The following SAMD4B variants were observed in gnomAD, a reference collection of about 807,000 sequenced individuals.
The protein encoded by SAMD4B is protein Smaug homolog 2.
In SAMD4B, 5 loss-of-function variants were observed where a neutral mutation model predicts 74.5. The ratio of observed to expected loss-of-function variants is 0.07; its 90% CI spans 0.04 to 0.14. SAMD4B has a LOEUF of 0.14. SAMD4B is among the 10% of genes least tolerant of loss of function. The probability of loss-of-function intolerance (pLI) is 1.00; values close to 1 mark genes in which losing one functional copy is unlikely to be tolerated. For missense variants in SAMD4B, 608 were observed against 921.8 expected, an observed-to-expected ratio of 0.66 and a Z score of 4.41; for synonymous variants, 373 against 374.9, an observed-to-expected ratio of 1.00 and a Z score of 0.06.
Position 39,370,019 on chromosome 19 carries a change from G to C in SAMD4B, c.561G>C (p.Gly187=). Reference sequence around the variant, plus strand: ...CAGAGCTAGGCCCTGGGGAGGCAGGGCCAGGCTGGCAGGACAAGCCACCCC... The same window carrying C: ...CAGAGCTAGGCCCTGGGGAGGCAGGCCCAGGCTGGCAGGACAAGCCACCCC... The part of the protein sequence containing the change: ...GPAELGPGEA[G]PGWQDKPPRE... The change falls in exon 4 of 14, where the codon GGG becomes GGC. Residue 187 remains glycine (G), a synonymous_variant. Coordinates refer to ENST00000610417, the MANE Select transcript of SAMD4B (RefSeq NM_001384574.2). The C allele has an allele frequency of 6.2e-7, 1 of 1,612,660 alleles. No homozygotes were observed. The highest frequency in any genetic ancestry group is 8.5e-7 in the Non-Finnish European group (1 of 1,179,384).
Position 39,377,624 on chromosome 19 carries a change from C to G in SAMD4B, c.1244C>G (p.Pro415Arg). Reference sequence around the variant, plus strand: ...ACCCCTACTGCCAAGGATGGGGCCCCGGGGGAACCACCGCTGCCAGGTGCT... The same window carrying G: ...ACCCCTACTGCCAAGGATGGGGCCCGGGGGGAACCACCGCTGCCAGGTGCT... ...TTTPTAKDGA[P>R]GEPPLPGAEP... Residue 415 changes from proline (P) to arginine (R), a missense_variant, in exon 8 of 14, where the codon CCG becomes CGG. This residue lies in a region of SAMD4B where 99 missense variants were observed against 112.1 expected (regional missense o/e 0.88). Transcript: ENST00000610417. 6.2e-7 allele frequency: 1 copy of G among 1,614,064 alleles called. No individual in the cohort carries two copies. Among genetic ancestry groups the G allele is most frequent in the Non-Finnish European group, 8.5e-7 (1 of 1,179,974 alleles).
chr19:39,347,820 A>G (rs182260720), intron 1 of SAMD4B, among the ~76,000 whole-genome samples: 1 of 152,344 alleles, frequency 6.6e-6, no homozygotes, highest in Admixed American at 6.5e-5. Context: ...AAATATCTCC[A>G]GCCTGCACTC....
intron 3 of SAMD4B, among the ~76,000 whole-genome samples, chr19:39,363,225 A>G (rs888949250): frequency 1.3e-5 from 2 of 152,252 alleles, no homozygotes; most frequent in East Asian, 1.9e-4. Context: ...CAGGGAGGAC[A>G]TTTATACGCA....
chr19:39,373,305 A>C (rs1383255850), intron 4 of SAMD4B, among the ~76,000 whole-genome samples: 1 of 152,068 alleles, frequency 6.6e-6, no homozygotes, highest in East Asian at 1.9e-4. Flanking sequence ...CCATAGGTGG[A>C]GCTCAGAGGC....
chr19:39,346,564 G>A (rs1490776184), intron 1 of SAMD4B, among the ~76,000 whole-genome samples: 2 of 152,246 alleles, frequency 1.3e-5, no homozygotes, highest in African/African-American at 2.4e-5. Context: ...ATTCATAGGA[G>A]GTAGGAGTTT....
At chr19:39,371,736 G>T (rs375321780) in intron 4 of SAMD4B, among the ~76,000 whole-genome samples, 6 of 151,752 alleles carry the variant, frequency 4.0e-5, no homozygotes, top group African/African-American at 1.5e-4. Context: ...AAGGTCGCTT[G>T]AACCCAGGAG....
chr19:39,389,040 G>A, downstream of SAMD4B: 2 of 1,613,664 alleles, frequency 1.2e-6, no homozygotes, highest in Non-Finnish European at 1.7e-6. This position sits in a 1 kb window ranked among gnomAD's most constrained non-coding sequence, Gnocchi z 5.3. Flanking sequence ...ACAAGGTGAG[G>A]AGGAGCTCTG....
intron 1 of SAMD4B, chr19:39,351,796 C>T (rs2076058062): frequency 6.6e-6 from 1 of 152,062 alleles, no homozygotes; most frequent in Non-Finnish European, 1.5e-5. Context: ...GCAACCCTAA[C>T]CAAGAACTTA....
chr19:39,357,139 A>C, intron 3 of SAMD4B, 50 bp downstream of exon 3: 1 of 1,488,570 alleles, frequency 6.7e-7, no homozygotes, highest in Non-Finnish European at 9.1e-7. Context: ...GAGACCTGGA[A>C]CAGATGTCAC....
intron 3 of SAMD4B, among the ~76,000 whole-genome samples, chr19:39,368,774 A>G (rs949001010): frequency 6.6e-6 from 1 of 152,250 alleles, no homozygotes; most frequent in Non-Finnish European, 1.5e-5. Flanking sequence ...AGCTCATTGA[A>G]TCTCAAAGCA....
chr19:39,368,347 AAGTT>A (rs199855479), intron 3 of SAMD4B, among the ~76,000 whole-genome samples: 2,774 of 152,306 alleles, frequency 0.018, 38 homozygotes, highest in Non-Finnish European at 0.031. Flanking sequence ...GGAAGGTAGT[AAGTT>A]AGGCCATCTA....
At position 39,370,082 on chromosome 19, in the gene SAMD4B, A is replaced by G. The variant is rs2077195655; in HGVS notation, c.624A>G (p.Ser208=). 2 of 1,607,564 alleles carry G rather than the reference A, an allele frequency of 1.2e-6. No individual in the cohort carries two copies. The highest frequency in any genetic ancestry group is 1.7e-6 in the Non-Finnish European group (2 of 1,177,050). The part of the protein sequence containing the change: ...NGHVPFHPSS[S]VPPAINSIGS... ...ACGTGCCCTTCCACCCATCCAGCTC[A>G]GTGCCGCCAGCCATCAACAGTATTG... is the stretch of plus-strand genomic sequence containing the variant. Residue 208 remains serine, a synonymous_variant, in exon 4 of 14, where the codon TCA becomes TCG. Coordinates refer to ENST00000610417, the MANE Select transcript of SAMD4B (RefSeq NM_001384574.2).
At chr19:39,371,677 T>C (rs2077305781) in intron 4 of SAMD4B, among the ~76,000 whole-genome samples, 1 of 151,806 alleles carries the variant, frequency 6.6e-6, no homozygotes, top group Non-Finnish European at 1.5e-5. Context: ...ATTAGCTGGG[T>C]ATGGTGGTGC....
intron 3 of SAMD4B, among the ~76,000 whole-genome samples, chr19:39,357,897 CCTT>C (rs2076420141): frequency 6.6e-6 from 1 of 152,210 alleles, no homozygotes; most frequent in Non-Finnish European, 1.5e-5. Flanking sequence ...ACTCTTTGCA[CCTT>C]CTTCTTCAGA....
intron 3 of SAMD4B, among the ~76,000 whole-genome samples, chr19:39,363,196 G>A (rs954346369): frequency 4.6e-5 from 7 of 152,104 alleles, no homozygotes; most frequent in African/African-American, 1.7e-4. Flanking sequence ...GGCCAGCTCT[G>A]CCCTGCTGCC....
intron 7 of SAMD4B, among the ~76,000 whole-genome samples, chr19:39,377,232 C>A (rs760231138): frequency 1.5e-4 from 23 of 152,242 alleles, no homozygotes; most frequent in Non-Finnish European, 1.9e-4. Context: ...CTGATTCTAT[C>A]CTTGTTGGGT....
At chr19:39,350,278 G>C (rs1344389335) in intron 1 of SAMD4B, 1 of 152,140 alleles carries the variant, frequency 6.6e-6, no homozygotes, top group African/African-American at 2.4e-5. Context: ...AAGAAACAGA[G>C]TTACTTGTCA....
intron 3 of SAMD4B, among the ~76,000 whole-genome samples, chr19:39,360,671 G>A (rs914779355): frequency 6.6e-6 from 1 of 152,190 alleles, no homozygotes; most frequent in Non-Finnish European, 1.5e-5. Flanking sequence ...TGCCTTATTT[G>A]TAAAGGAAGG....
At chr19:39,360,654 C>A (rs535499846) in intron 3 of SAMD4B, among the ~76,000 whole-genome samples, 1 of 152,292 alleles carries the variant, frequency 6.6e-6, no homozygotes, top group East Asian at 1.9e-4. Flanking sequence ...TCAAGTAGAA[C>A]CCCACCTGCC....
Sources: gnomAD v4.1 joint callset for allele counts (sites outside exome capture counted in the v4.1 genomes callset) on GRCh38, gnomAD v4.1.1 for gene constraint, gnomAD v4.1.1 regional missense constraint, Gnocchi (gnomAD v3.1) non-coding constraint, MANE v1.5 for transcripts, NCBI Gene and HGNC (gene_info 2026-07-23, HGNC 2026-07-21) for gene names.